SORL1: variants seen among roughly 807,000 people sequenced by gnomAD.
SORL1 encodes sortilin related receptor 1.
In SORL1, 127 loss-of-function variants were observed where a neutral mutation model predicts 273.7. That is an observed-to-expected ratio of 0.46 (90% CI 0.40 to 0.54). The LOEUF is 0.54. Ranked by LOEUF, SORL1 falls within the 20% of genes least tolerant of loss-of-function variation. The probability of loss-of-function intolerance (pLI) is 0.00; values close to 1 mark genes in which losing one functional copy is unlikely to be tolerated. For missense variants in SORL1, 2,494 were observed against 2,846.1 expected, an observed-to-expected ratio of 0.88 and a Z score of 2.81; for synonymous variants, 1,031 against 1,067.4, an observed-to-expected ratio of 0.97 and a Z score of 0.66.
chr11:121,499,328 G>A (rs1370260171), intron 6 of SORL1, among the ~76,000 whole-genome samples: 1 of 152,190 alleles, frequency 6.6e-6, no homozygotes, highest in African/African-American at 2.4e-5. Context: ...GTGAGAGGAT[G>A]TAGGTAAGAT....
At chr11:121,621,038 A>G (rs1591357266) in intron 43 of SORL1, 26 bp from the exon 44 acceptor site, 1 of 1,534,794 alleles carries the variant, frequency 6.5e-7, no homozygotes, top group South Asian at 1.1e-5. Context: ...TCTGATTATC[A>G]TTCACTTGTT....
chr11:121,517,737 A>G (rs965847839), intron 8 of SORL1, among the ~76,000 whole-genome samples: 3 of 152,214 alleles, frequency 2.0e-5, no homozygotes, highest in Non-Finnish European at 2.9e-5. Context: ...ATTCACGTCA[A>G]GAGTCATAGG....
chr11:121,559,010 C>T (rs973197100), intron 20 of SORL1, among the ~76,000 whole-genome samples, 173 bp downstream of exon 20: 6 of 152,144 alleles, frequency 3.9e-5, no homozygotes, highest in African/African-American at 7.2e-5. Flanking sequence ...CAGGCAGAGG[C>T]GCCAAGGGTC....
chr11:121,532,687 C>A (rs1041947700), intron 12 of SORL1, 135 bp downstream of exon 12: 14 of 522,370 alleles, frequency 2.7e-5, no homozygotes, highest in Non-Finnish European at 4.7e-5. Context: ...ATGAGTTAAA[C>A]TTTTTTTTTT....
chr11:121,528,194 C>T (rs191930842), intron 11 of SORL1, among the ~76,000 whole-genome samples: 240 of 152,278 alleles, frequency 1.6e-3, no homozygotes, highest in Non-Finnish European at 2.7e-3. Flanking sequence ...ATAGGCTGCA[C>T]ACAGTGGCTC....
At chr11:121,611,199 A>G (rs1330070644) in intron 39 of SORL1, 41 bp downstream of exon 39, 1 of 1,320,068 alleles carries the variant, frequency 7.6e-7, no homozygotes, top group Non-Finnish European at 1.1e-6. Context: ...ATGGGGCTTT[A>G]TTTTGTATGG....
intron 32 of SORL1, among the ~76,000 whole-genome samples, chr11:121,597,755 C>A (rs540846769): frequency 6.6e-6 from 1 of 152,106 alleles, no homozygotes; most frequent in Non-Finnish European, 1.5e-5. Context: ...CCACCACGCC[C>A]GGTGACTGGC....
intron 21 of SORL1, among the ~76,000 whole-genome samples, 190 bp downstream of exon 21, chr11:121,559,847 A>G (rs191288906): frequency 1.1e-3 from 166 of 152,354 alleles, no homozygotes; most frequent in African/African-American, 3.7e-3. Context: ...GCTGGAAGAC[A>G]GCATGCTTTT....
chr11:121,503,248 G>T (rs1241257693), intron 6 of SORL1, among the ~76,000 whole-genome samples: 1 of 151,800 alleles, frequency 6.6e-6, no homozygotes, highest in East Asian at 1.9e-4. Context: ...AGAAACTATT[G>T]CCTAATCTGA....
chr11:121,453,283 G>A (rs1379363442), intron 1 of SORL1, among the ~76,000 whole-genome samples: 2 of 152,128 alleles, frequency 1.3e-5, no homozygotes, highest in Non-Finnish European at 2.9e-5. Flanking sequence ...AGATTTGAAA[G>A]GACTGCAGGA....
chr11:121,460,437 C>T (rs941303122), intron 1 of SORL1, among the ~76,000 whole-genome samples: 4 of 144,796 alleles, frequency 2.8e-5, no homozygotes, highest in Admixed American at 2.1e-4. Context: ...CGCTCCGTCA[C>T]CCAGCTGGAG....
intron 16 of SORL1, among the ~76,000 whole-genome samples, chr11:121,552,943 G>C (rs920374631): frequency 5.3e-5 from 8 of 152,312 alleles, no homozygotes; most frequent in African/African-American, 1.9e-4. Flanking sequence ...GAAGAATCTG[G>C]ATGTTTCCCA....
At chr11:121,479,458 T>C (rs955638351) in intron 3 of SORL1, among the ~76,000 whole-genome samples, 1 of 152,182 alleles carries the variant, frequency 6.6e-6, no homozygotes, top group Admixed American at 6.5e-5. Context: ...CTCTTTCCAG[T>C]CCCTAGTCCT....
chr11:121,532,631 C>G, intron 12 of SORL1, 79 bp downstream of exon 12: 1 of 1,190,922 alleles, frequency 8.4e-7, no homozygotes, highest in South Asian at 1.3e-5. Flanking sequence ...TGGATTATCT[C>G]TCTATAGCAC....
At chr11:121,614,814 C>T (rs536425655) in intron 40 of SORL1, 57 bp from the exon 41 acceptor site, 68 of 1,416,018 alleles carry the variant, frequency 4.8e-5, no homozygotes, top group East Asian at 3.6e-4. Flanking sequence ...TACCAAGACA[C>T]GTTCTTGACT....
chr11:121,585,898 A>G (rs1266084525), intron 26 of SORL1, among the ~76,000 whole-genome samples: 1 of 152,154 alleles, frequency 6.6e-6, no homozygotes, highest in East Asian at 1.9e-4. Flanking sequence ...TTTTCAATCT[A>G]TTACACAGTT....
At chr11:121,454,896 G>C (rs906966112) in intron 1 of SORL1, among the ~76,000 whole-genome samples, 16 of 152,102 alleles carry the variant, frequency 1.1e-4, no homozygotes, top group African/African-American at 3.9e-4. Flanking sequence ...GGGCAGACCT[G>C]GTTTCTAAGT....
intron 30 of SORL1, chr11:121,590,759 T>A: frequency 1.4e-6 from 1 of 720,588 alleles, no homozygotes; most frequent in Non-Finnish European, 2.5e-6. Context: ...TATCTGAATA[T>A]TAACCGAAAT....
intron 46 of SORL1, among the ~76,000 whole-genome samples, chr11:121,625,886 C>CT (rs896873182): frequency 1.1e-4 from 16 of 152,124 alleles, no homozygotes; most frequent in Non-Finnish European, 1.9e-4. Flanking sequence ...TGCCACTGGT[C>CT]TTTTTTAGTT....
Sources: gnomAD v4.1 joint callset for allele counts (sites outside exome capture counted in the v4.1 genomes callset) on GRCh38, gnomAD v4.1.1 for gene constraint, MANE v1.5 for transcripts, NCBI Gene and HGNC (gene_info 2026-07-23, HGNC 2026-07-21) for gene names.